ZNF451: variants seen among roughly 807,000 people sequenced by gnomAD.
The protein encoded by ZNF451 is E3 SUMO-protein ligase ZNF451.
Under a neutral mutation model 107.1 loss-of-function variants are expected in ZNF451, and 80 were observed. The observed-to-expected ratio is 0.75, with a 90% CI of 0.62 to 0.90. The LOEUF is 0.90. ZNF451 is among the 40% of genes least tolerant of loss of function. ZNF451 has a pLI of 0.00. For missense variants in ZNF451, 1,107 were observed against 1,236.2 expected (o/e 0.90, Z 1.57); for synonymous variants, 362 against 406.5 (o/e 0.89, Z 1.32).
chr6:57,142,031 C>G lies in ZNF451; in HGVS notation c.940C>G (p.Gln314Glu), dbSNP rs199568648. Residue 314 changes from glutamine (Q) to glutamate (E), a missense_variant, in exon 9 of 15, where the codon CAA becomes GAA. Transcript: ENST00000370706. ...LISLCKDVPFQVKCVACHKTL... is the reference protein window; with the variant it reads ...LISLCKDVPFEVKCVACHKTL... ...CTCTCTGTGCAAAGATGTTCCCTTTCAAGTTAAGTGTGTGGCCTGCCACAA... is the reference window on the plus strand; with the variant it reads ...CTCTCTGTGCAAAGATGTTCCCTTTGAAGTTAAGTGTGTGGCCTGCCACAA... The G allele has an allele frequency of 3.0e-5, 49 of 1,613,980 alleles. No individual in the cohort carries two copies. The highest frequency in any genetic ancestry group is 8.5e-6 in the Non-Finnish European group (10 of 1,179,966).
chr6:57,098,941 C>A, intron 2 of ZNF451, 120 bp from the exon 3 acceptor site: 1 of 627,394 alleles, frequency 1.6e-6, no homozygotes, highest in Non-Finnish European at 2.8e-6. Context: ...CTGCTACCCA[C>A]AAAGCTCCCT....
chr6:57,120,683 A>G (rs1352988044), intron 3 of ZNF451, among the ~76,000 whole-genome samples: 2 of 152,062 alleles, frequency 1.3e-5, no homozygotes, highest in Non-Finnish European at 2.9e-5. Flanking sequence ...TGTAATCTGT[A>G]TATCTTCTTT....
intron 13 of ZNF451, chr6:57,158,800 T>TA: frequency 1.0e-6 from 1 of 985,494 alleles, no homozygotes; most frequent in Non-Finnish European, 1.2e-6. Context: ...TGGTCTTGTT[T>TA]ATAAGCCTGA....
intron 14 of ZNF451, among the ~76,000 whole-genome samples, chr6:57,163,435 A>ATT (rs1562631987): frequency 2.0e-5 from 1 of 50,876 alleles, no homozygotes; most frequent in African/African-American, 6.4e-5. Flanking sequence ...AAATGAATAA[A>ATT]CTTTTTTTTT....
chr6:57,104,757 T>A lies in ZNF451; in HGVS notation c.186+5616T>A, dbSNP rs1464604888. 4.1e-6 allele frequency: 4 copies of A among 985,300 alleles called. No homozygotes were observed. The African/African-American group carries it at 7.0e-5, about 17-fold the overall frequency. The allele number at this position is 985,300 out of a possible 1,614,324, so 61.0% of individuals were successfully genotyped here. On this transcript the variant is annotated intron_variant, in intron 3 of 14. Coordinates refer to ENST00000370706, the MANE Select transcript of ZNF451 (RefSeq NM_001031623.3). ...CTGTTCTCTTTTCCTCCTGTGATAT[T>A]TATGTTGCCCAGTAATAAGTAAAAG...
Position 57,134,755 on chromosome 6 carries a change from C to T in ZNF451, c.587C>T (p.Ser196Phe), listed in dbSNP as rs1831351866. 6 of 1,612,808 alleles carry T rather than the reference C, an allele frequency of 3.7e-6. No homozygotes were observed. Among genetic ancestry groups the T allele is most frequent in the Non-Finnish European group, 5.1e-6 (6 of 1,179,536 alleles). ...LLGHLKRFDHSPCDPTITLHG... is the reference protein window; with the variant it reads ...LLGHLKRFDHFPCDPTITLHG... ...CTTTTGCTGAGTAGGTTCGATCACT[C>T]TCCATGTGATCCAACAATTACACTA... is the stretch of plus-strand genomic sequence containing the variant. The change falls in exon 7 of 15, where the codon TCT becomes TTT. Residue 196 changes from serine (S) to phenylalanine (F), a missense_variant. This residue lies in a region of ZNF451 where 339 missense variants were observed against 372.8 expected (regional missense o/e 0.91). Transcript: ENST00000370706.
chr6:57,126,097 G>A (rs566570783), intron 4 of ZNF451, among the ~76,000 whole-genome samples: 1 of 152,250 alleles, frequency 6.6e-6, no homozygotes, highest in South Asian at 2.1e-4. Flanking sequence ...GATGAGCCCA[G>A]AATCTTGTAT....
At chr6:57,124,461 C>CTT (rs1462259074) in intron 3 of ZNF451, 1 of 716,804 alleles carries the variant, frequency 1.4e-6, no homozygotes, top group Admixed American at 2.0e-5. Context: ...CCCTACCTCT[C>CTT]TGACAGATCT....
chr6:57,124,647 TTAGTA>T (rs1406828702), intron 3 of ZNF451, 82 bp from the exon 4 acceptor site: 43 of 961,484 alleles, frequency 4.5e-5, no homozygotes, highest in Non-Finnish European at 6.6e-5. Context: ...AAATGGTTCT[TTAGTA>T]TAGTAGCTGT....
At chr6:57,118,787 A>T (rs1830494612) in intron 3 of ZNF451, among the ~76,000 whole-genome samples, 1 of 152,162 alleles carries the variant, frequency 6.6e-6, no homozygotes, top group African/African-American at 2.4e-5. Context: ...TCGACCACTA[A>T]TTTGCTTTTA....
intron 3 of ZNF451, chr6:57,104,477 A>G: frequency 3.0e-6 from 3 of 985,262 alleles, no homozygotes; most frequent in Non-Finnish European, 3.6e-6. Flanking sequence ...GTGGTTTTTG[A>G]AATACTCTTA....
chr6:57,155,388 A>AG (rs922115130), intron 13 of ZNF451, among the ~76,000 whole-genome samples: 1 of 152,198 alleles, frequency 6.6e-6, no homozygotes, highest in African/African-American at 2.4e-5. Context: ...CGGGAGGCTG[A>AG]GGCAGGAGAA....
intron 2 of ZNF451, among the ~76,000 whole-genome samples, chr6:57,092,373 C>G (rs1593067153): frequency 6.6e-6 from 1 of 152,108 alleles, no homozygotes; most frequent in South Asian, 2.1e-4. Flanking sequence ...GTCTTTGCAT[C>G]AAGAGTAAAG....
In ZNF451 at chr6:57,147,551, A is replaced by G; in HGVS notation, c.1466A>G (p.His489Arg). The G allele has an allele frequency of 6.2e-7, 1 of 1,614,176 alleles. No individual in the cohort carries two copies. The highest frequency in any genetic ancestry group is 8.5e-7 in the Non-Finnish European group (1 of 1,179,998). Residue 489 changes from histidine (H) to arginine (R), a missense_variant, in exon 10 of 15, where the codon CAT becomes CGT. By Grantham distance (29) the His-to-Arg change is conservative (BLOSUM62 0). Coordinates refer to ENST00000370706, the MANE Select transcript of ZNF451 (RefSeq NM_001031623.3). ...RFPSEDAVEKHVFSANTMGYK... is the reference protein window; with the variant it reads ...RFPSEDAVEKRVFSANTMGYK... ...CCAAGTGAAGATGCAGTAGAAAAGC[A>G]TGTTTTCTCAGCAAACACAATGGGT...
At chr6:57,122,682 C>T (rs1189564143) in intron 3 of ZNF451, among the ~76,000 whole-genome samples, 1 of 152,190 alleles carries the variant, frequency 6.6e-6, no homozygotes, top group African/African-American at 2.4e-5. Context: ...GATACCATCT[C>T]ACAGCAGTCA....
intron 7 of ZNF451, among the ~76,000 whole-genome samples, chr6:57,138,817 G>T (rs1831603849): frequency 7.8e-6 from 1 of 127,820 alleles, no homozygotes; most frequent in Non-Finnish European, 1.6e-5. Flanking sequence ...TTGAGAGAGA[G>T]GTGGTCTCAA....
intron 9 of ZNF451, among the ~76,000 whole-genome samples, chr6:57,142,794 T>G (rs758992540): frequency 6.6e-6 from 1 of 152,220 alleles, no homozygotes; most frequent in Non-Finnish European, 1.5e-5. Flanking sequence ...TTGGTCGTAT[T>G]AGTTTCATTC....
At chr6:57,107,099 T>C (rs45472393) in intron 3 of ZNF451, 43 of 985,260 alleles carry the variant, frequency 4.4e-5, no homozygotes, top group Non-Finnish European at 4.8e-5. Flanking sequence ...AGATAACTTA[T>C]TACTGGAAAT....
intron 3 of ZNF451, among the ~76,000 whole-genome samples, chr6:57,112,647 C>T (rs1297073355): frequency 6.6e-6 from 1 of 152,098 alleles, no homozygotes; most frequent in Non-Finnish European, 1.5e-5. Context: ...AGATAGGAAA[C>T]TGGGTTGTTG....
Sources: gnomAD v4.1 joint callset for allele counts (sites outside exome capture counted in the v4.1 genomes callset) on GRCh38, gnomAD v4.1.1 for gene constraint, gnomAD v4.1.1 regional missense constraint, MANE v1.5 for transcripts, NCBI Gene and HGNC (gene_info 2026-07-23, HGNC 2026-07-21) for gene names.